The following EPHA3 variants were observed in gnomAD, a reference collection of about 807,000 sequenced individuals.
EPHA3 encodes EPH receptor A3.
A neutral mutation model predicts 107.1 loss-of-function variants in EPHA3; 42 were observed. The ratio of observed to expected loss-of-function variants is 0.39; its 90% confidence interval spans 0.31 to 0.51. EPHA3 has a LOEUF of 0.51. Among genes scored for constraint, EPHA3 ranks in the 20% least tolerant of loss-of-function variants. The pLI is 0.78. For missense variants in EPHA3, 1,183 were observed against 1,211.2 expected (o/e 0.98, Z 0.35); for synonymous variants, 461 against 424.8 (o/e 1.09, Z -1.05).
At chr3:89,298,089 T>G (rs1223808493) in intron 3 of EPHA3, among the ~76,000 whole-genome samples, 3 of 152,086 alleles carry the variant, frequency 2.0e-5, no homozygotes, top group African/African-American at 4.8e-5. Flanking sequence ...CCATGAATCT[T>G]GAGGTTTTCT....
chr3:89,211,735 TTCTTCTCCTTCTTCTTCTTCTTC>T (rs1704097208), intron 3 of EPHA3, among the ~76,000 whole-genome samples: 1 of 10,236 alleles, frequency 9.8e-5, no homozygotes, highest in Admixed American at 1.4e-3. Flanking sequence ...TTTCTTCTTC[TTCTTCTCCTTCTTCTTCTTCTTC>T]TTCTTCTTCT....
At chr3:89,445,708 A>G (rs1321799445) in intron 13 of EPHA3, among the ~76,000 whole-genome samples, 2 of 152,228 alleles carry the variant, frequency 1.3e-5, no homozygotes, top group African/African-American at 4.8e-5. Context: ...TAAGAGACAA[A>G]AAGGAAAAGT....
chr3:89,318,230 G>A (rs1706956947), intron 3 of EPHA3, among the ~76,000 whole-genome samples: 1 of 151,878 alleles, frequency 6.6e-6, no homozygotes, highest in Non-Finnish European at 1.5e-5. Flanking sequence ...ATTTTAGAAA[G>A]CCATATTGTT....
Position 89,107,794 on chromosome 3 carries a change from C to A in EPHA3, c.46C>A (p.Leu16Ile). 3 of 1,614,198 alleles carry A rather than the reference C, an allele frequency of 1.9e-6. No individual in the cohort carries two copies. Among genetic ancestry groups the A allele is most frequent in the Non-Finnish European group, 1.7e-6 (2 of 1,180,030 alleles). The change falls in exon 1 of 17, where the codon CTC becomes ATC. Residue 16 changes from leucine to isoleucine, a missense_variant. Coordinates refer to ENST00000336596, the MANE Select transcript of EPHA3 (RefSeq NM_005233.6). ...CCTCCTCCTTCTCAGCTGCTCTGTT[C>A]TCGACAGCTTCGGGGAACTGATTCC... ...SILLLLSCSV[L>I]DSFGELIPQP...
intron 2 of EPHA3, among the ~76,000 whole-genome samples, chr3:89,206,282 A>T (rs993563249): frequency 8.5e-5 from 13 of 152,284 alleles, no homozygotes; most frequent in South Asian, 2.1e-4. Flanking sequence ...CTACACTGAG[A>T]TCTCCATAAT....
At chr3:89,325,313 G>T (rs1707140780) in intron 3 of EPHA3, among the ~76,000 whole-genome samples, 1 of 151,984 alleles carries the variant, frequency 6.6e-6, no homozygotes, top group South Asian at 2.1e-4. Context: ...TATGTCTTAT[G>T]ATTTCTTATT....
At chr3:89,121,319 C>T (rs1263762199) in intron 1 of EPHA3, among the ~76,000 whole-genome samples, 2 of 152,140 alleles carry the variant, frequency 1.3e-5, no homozygotes, top group Non-Finnish European at 2.9e-5. Context: ...TATAAATTAA[C>T]ATTTCTGTGA....
intron 2 of EPHA3, among the ~76,000 whole-genome samples, chr3:89,162,195 CAT>C (rs1323789698): frequency 6.6e-6 from 1 of 151,822 alleles, no homozygotes; most frequent in African/African-American, 2.4e-5. Context: ...TTGGGGATAA[CAT>C]GTAGAAAGTA....
At chr3:89,203,542 G>GGCGGGCAGATCAC (rs1706026201) in intron 2 of EPHA3, among the ~76,000 whole-genome samples, 1 of 151,858 alleles carries the variant, frequency 6.6e-6, no homozygotes, top group Admixed American at 6.6e-5. Context: ...GGGAGGCCGA[G>GGCGGGCAGATCAC]GCGGGCAGAT....
At chr3:89,296,589 A>G (rs1329901598) in intron 3 of EPHA3, among the ~76,000 whole-genome samples, 1 of 152,300 alleles carries the variant, frequency 6.6e-6, no homozygotes, top group Middle Eastern at 3.4e-3. Context: ...GAGCACAGGC[A>G]GAGTATATTT....
intron 13 of EPHA3, among the ~76,000 whole-genome samples, chr3:89,441,780 A>G (rs1025847821): frequency 2.0e-5 from 3 of 152,202 alleles, no homozygotes; most frequent in Non-Finnish European, 2.9e-5. Context: ...TAGGAAACTT[A>G]GACTCCTATA....
At chr3:89,459,336 A>T (rs1481952005) in intron 15 of EPHA3, among the ~76,000 whole-genome samples, 1 of 152,200 alleles carries the variant, frequency 6.6e-6, no homozygotes, top group East Asian at 1.9e-4. Flanking sequence ...TGCATAAAAG[A>T]ATGAAAACAA....
intron 10 of EPHA3, among the ~76,000 whole-genome samples, chr3:89,413,983 A>C (rs538396774): frequency 6.6e-5 from 10 of 151,798 alleles, no homozygotes; most frequent in African/African-American, 2.4e-4. Flanking sequence ...TAAAACTACT[A>C]TTCAAAAGTA....
chr3:89,135,259 G>A (rs1559747061), intron 2 of EPHA3, among the ~76,000 whole-genome samples: 1 of 151,988 alleles, frequency 6.6e-6, no homozygotes, highest in Admixed American at 6.6e-5. Context: ...TACAACACCT[G>A]ATAAGTTCCT....
chr3:89,218,654 T>C (rs1704276818), intron 3 of EPHA3, among the ~76,000 whole-genome samples: 1 of 152,088 alleles, frequency 6.6e-6, no homozygotes, highest in Non-Finnish European at 1.5e-5. Context: ...ATATAACCAG[T>C]AACGGGATTG....
At chr3:89,126,136 T>C (rs1704092227) in intron 1 of EPHA3, among the ~76,000 whole-genome samples, 1 of 151,690 alleles carries the variant, frequency 6.6e-6, no homozygotes, top group Admixed American at 6.6e-5. Flanking sequence ...TGTGTATATA[T>C]GTAACCCCTG....
intron 2 of EPHA3, among the ~76,000 whole-genome samples, chr3:89,143,580 T>TA (rs1013821878): frequency 5.9e-5 from 9 of 151,538 alleles, no homozygotes; most frequent in African/African-American, 1.2e-4. Flanking sequence ...ATGCGGGTTT[T>TA]AAAAAAATTC....
In EPHA3 at chr3:89,148,619, G is replaced by A. The variant is rs1414948037; in HGVS notation, c.153+21346G>A. On this transcript the variant is annotated intron_variant, in intron 2 of 16. Transcript: ENST00000336596. ...GCTTTTAAACTTTGTGATGACATAT[G>A]CTTTTAAGGAGCCTGTATAACTTTC... Among the ~76,000 whole-genome samples the A allele has an allele frequency of 7.2e-5, 11 of 152,036 alleles. No individual in the cohort carries two copies. In the Middle Eastern group the frequency reaches 0.01, roughly 141 times the overall value.
At chr3:89,258,558 T>C (rs988690422) in intron 3 of EPHA3, among the ~76,000 whole-genome samples, 15 of 152,100 alleles carry the variant, frequency 9.9e-5, no homozygotes, top group African/African-American at 3.6e-4. Context: ...TGAAATAATA[T>C]ATATGGAAAA....
Sources: allele counts gnomAD v4.1 joint callset (sites outside exome capture counted in the v4.1 genomes callset), GRCh38; gene constraint gnomAD v4.1.1; transcripts MANE v1.5; gene names NCBI Gene and HGNC (gene_info 2026-07-23, HGNC 2026-07-21).